The following MICALL1 variants were observed in gnomAD, a reference collection of about 807,000 sequenced individuals.
MICALL1 encodes MICAL-like protein 1.
A neutral mutation model predicts 83.7 loss-of-function variants in MICALL1; 61 were observed. The observed-to-expected ratio is 0.73, with a 90% confidence interval of 0.59 to 0.90. MICALL1 has a LOEUF of 0.90. Among genes scored for constraint, MICALL1 ranks in the 40% least tolerant of loss-of-function variants. The pLI, the probability that MICALL1 is intolerant of heterozygous loss-of-function variation, is 0.00. For synonymous variants in MICALL1, 481 were observed against 473.6 expected, an observed-to-expected ratio of 1.02 and a Z score of -0.20; for missense variants, 1,066 against 1,152.0, an observed-to-expected ratio of 0.93 and a Z score of 1.08.
chr22:37,922,360 C>A lies in MICALL1; in HGVS notation c.958C>A (p.Arg320=). The change falls in exon 6 of 16, where the codon CGG becomes AGG. Residue 320 remains arginine (R), a synonymous_variant. Transcript: ENST00000215957. The stretch of plus-strand genomic sequence containing the variant: ...CACCACCCCAGCACCCCCCACGCCC[C>A]GGCCCCGCTCCAGTCTGCAGCAGGA... ...ESTTPAPPTP[R]PRSSLQQENL... is the part of the protein sequence containing the mutation. 1 of 1,532,692 alleles carries A rather than the reference C, an allele frequency of 6.5e-7. No homozygotes were observed. 94.9% of individuals were successfully genotyped at this position (1,532,692 alleles called of 1,614,324 possible).
Position 37,922,121 on chromosome 22 carries a change from A to G in MICALL1, c.719A>G (p.Gln240Arg). The change falls in exon 6 of 16, where the codon CAG (glutamine) becomes CGG (arginine). Residue 240 changes from glutamine (Q) to arginine (R), a missense_variant. Transcript: ENST00000215957. ...GGGCCCTTCTCACAGCCAAAGCAGC[A>G]GCACCAGCAGCAACTCGCAGAAGAT... ...RPGPFSQPKQ[Q>R]HQQQLAEDAK... The G allele has an allele frequency of 6.2e-7, 1 of 1,613,272 alleles. No individual in the cohort carries two copies. Among genetic ancestry groups the G allele is most frequent in the Non-Finnish European group, 8.5e-7 (1 of 1,179,996 alleles).
intron 4 of MICALL1, 62 bp from the exon 5 acceptor site, chr22:37,918,974 T>G: frequency 6.8e-7 from 1 of 1,467,430 alleles, no homozygotes; most frequent in Non-Finnish European, 9.1e-7. Flanking sequence ...AGGGCAGTGA[T>G]GTGAACAGGA....
At chr22:37,926,076 C>T (rs369982283) in intron 8 of MICALL1, 33 bp downstream of exon 8, 86 of 1,545,316 alleles carry the variant, frequency 5.6e-5, no homozygotes, top group African/African-American at 3.6e-4. Context: ...TCCTGACAGT[C>T]GGAACTCGGG....
chr22:37,919,038 C>T lies in MICALL1; in HGVS notation c.429C>T (p.Gly143=), dbSNP rs375826048. The T allele has an allele frequency of 1.5e-5, 24 of 1,549,278 alleles. No individual in the cohort carries two copies. Among genetic ancestry groups the T allele is most frequent in the Middle Eastern group, 1.7e-4 (1 of 6,006 alleles). The change falls in exon 5 of 16, where the codon GGC becomes GGT. Residue 143 remains glycine (G), a splice_region_variant and synonymous_variant. Transcript: ENST00000215957. ...TPVEPEDVAQ[G]EELSSGSLSE... ...CTCCCCCACCTCGTTCTCTGCAGGGCGAGGAGCTCTCCTCAGGCAGCCTGT... is the reference window on the plus strand; with the variant it reads ...CTCCCCCACCTCGTTCTCTGCAGGGTGAGGAGCTCTCCTCAGGCAGCCTGT...
Position 37,906,438 on chromosome 22 carries a change from G to A in MICALL1, c.16G>A (p.Gly6Ser). 1 of 1,162,758 alleles carries A rather than the reference G, an allele frequency of 8.6e-7. No individual in the cohort carries two copies. The highest frequency in any genetic ancestry group is 3.5e-4 in the Middle Eastern group (1 of 2,828). The allele number at this position is 1,162,758 out of a possible 1,614,324, so 72.0% of individuals were successfully genotyped here. MAGPR[G>S]ALLAWCRRQC... ...CCGCGGGGTCATGGCTGGGCCGCGG[G>A]GCGCGCTGCTGGCCTGGTGCCGCCG... Residue 6 changes from glycine (G) to serine (S), a missense_variant, in exon 1 of 16, where the codon GGC becomes AGC. Physicochemically the swap from Gly to Ser is moderately conservative, Grantham distance 56. Coordinates refer to ENST00000215957, the MANE Select transcript of MICALL1 (RefSeq NM_033386.4). This position sits in a 1 kb window ranked among gnomAD's most constrained non-coding sequence, Gnocchi z 4.4.
At chr22:37,937,059 C>T (rs1367712251) in intron 13 of MICALL1, 21 bp from the exon 14 acceptor site, 1 of 1,549,322 alleles carries the variant, frequency 6.5e-7, no homozygotes, top group South Asian at 1.2e-5. Flanking sequence ...CTCATGCCCC[C>T]TAACTTTTCT....
In MICALL1 at chr22:37,926,027, C is replaced by T. The variant is rs1208818754; in HGVS notation, c.1449C>T (p.Pro483=). Residue 483 remains proline, a synonymous_variant, in exon 8 of 16, where the codon CCC becomes CCT. Coordinates refer to ENST00000215957, the MANE Select transcript of MICALL1 (RefSeq NM_033386.4). ...AGAAGCGCCCTGCCCCGCGCGCACCCAGCGCGTCCCCACTGGGTGAGTGCC... is the reference window on the plus strand; with the variant it reads ...AGAAGCGCCCTGCCCCGCGCGCACCTAGCGCGTCCCCACTGGGTGAGTGCC... ...KTKKRPAPRA[P]SASPLALHAS... 6.2e-7 allele frequency: 1 copy of T among 1,602,990 alleles called. No individual in the cohort carries two copies. Among genetic ancestry groups the T allele is most frequent in the Non-Finnish European group, 8.5e-7 (1 of 1,173,274 alleles).
chr22:37,920,339 GC>G (rs1928946459), intron 5 of MICALL1, among the ~76,000 whole-genome samples: 1 of 152,088 alleles, frequency 6.6e-6, no homozygotes, highest in Non-Finnish European at 1.5e-5. Flanking sequence ...GGTTGAGTGT[GC>G]CCCTGAGTGG....
chr22:37,926,506 C>T (rs1265754905), intron 8 of MICALL1: 1 of 163,740 alleles, frequency 6.1e-6, no homozygotes, highest in African/African-American at 2.4e-5. Context: ...ATGACTCTGA[C>T]TGTCCCTGAG....
chr22:37,940,599 G>A, intron 15 of MICALL1, 110 bp from the exon 16 acceptor site: 1 of 1,353,610 alleles, frequency 7.4e-7, no homozygotes, highest in Non-Finnish European at 1.0e-6. Context: ...AAGTGGTGGG[G>A]CTGGGCTGAG....
At position 37,906,512 on chromosome 22, in the gene MICALL1, C is replaced by T; in HGVS notation, c.90C>T (p.Ser30=). ...RGVEIRDLSS[S]FRDGLAFCAI... is the part of the protein sequence containing the mutation. Reference sequence around the variant, plus strand: ...TGGAGATCCGCGACCTGAGCAGCTCCTTCCGGGACGGCCTGGCCTTCTGCG... The same window carrying T: ...TGGAGATCCGCGACCTGAGCAGCTCTTTCCGGGACGGCCTGGCCTTCTGCG... The change falls in exon 1 of 16, where the codon TCC becomes TCT. Residue 30 remains serine, a synonymous_variant. Transcript: ENST00000215957. The surrounding 1 kb of genome is among the most constrained non-coding windows in gnomAD (Gnocchi z 4.4). 1.6e-6 allele frequency: 2 copies of T among 1,251,920 alleles called. No individual in the cohort carries two copies. Among genetic ancestry groups the T allele is most frequent in the Non-Finnish European group, 2.0e-6 (2 of 986,650 alleles). 77.6% of individuals were successfully genotyped at this position (1,251,920 alleles called of 1,614,324 possible). A position where few individuals can be genotyped will look rare whatever the true frequency, so the allele number is the denominator to read the frequency against.
At chr22:37,919,201 T>G in intron 5 of MICALL1, 23 bp downstream of exon 5, 1 of 1,500,024 alleles carries the variant, frequency 6.7e-7, no homozygotes, top group Non-Finnish European at 9.0e-7. Flanking sequence ...GGCCGCGTGT[T>G]ACCCCCGAAA....
intron 15 of MICALL1, 82 bp downstream of exon 15, chr22:37,937,874 G>C: frequency 6.4e-7 from 1 of 1,560,972 alleles, no homozygotes; most frequent in Non-Finnish European, 8.8e-7. Flanking sequence ...GTTGAAGGGA[G>C]GGTTGGAGTG....
chr22:37,910,562 G>T (rs1397623661), intron 1 of MICALL1, among the ~76,000 whole-genome samples: 1 of 152,182 alleles, frequency 6.6e-6, no homozygotes, highest in East Asian at 1.9e-4. Flanking sequence ...GGCAGCCCAG[G>T]GGAGAAGGAA....
At position 37,925,687 on chromosome 22, in the gene MICALL1, C is replaced by G; in HGVS notation, c.1109C>G (p.Pro370Arg). 6.2e-7 allele frequency: 1 copy of G among 1,609,528 alleles called. No individual in the cohort carries two copies. Among genetic ancestry groups the G allele is most frequent in the Non-Finnish European group, 8.5e-7 (1 of 1,178,808 alleles). Residue 370 changes from proline to arginine, a missense_variant, in exon 8 of 16, where the codon CCA (proline) becomes CGA (arginine). Physicochemically the swap from Pro to Arg is moderately radical, Grantham distance 103. Coordinates refer to ENST00000215957, the MANE Select transcript of MICALL1 (RefSeq NM_033386.4). ...EGTPAPRKDP[P>R]WITLVQAEPK... ...ACACCAGCCCCCAGGAAGGACCCCC[C>G]ATGGATCACGCTGGTGCAGGCAGAA...
At chr22:37,929,773 C>T (rs1019793390) in intron 9 of MICALL1, among the ~76,000 whole-genome samples, 2 of 152,246 alleles carry the variant, frequency 1.3e-5, no homozygotes, top group Non-Finnish European at 2.9e-5. Flanking sequence ...GATGGCCCAA[C>T]GCTCTGCAGG....
At position 37,930,113 on chromosome 22, in the gene MICALL1, G is replaced by A. The variant is rs1388226921; in HGVS notation, c.1882-1686G>A. Among the ~76,000 whole-genome samples the A allele has an allele frequency of 2.6e-5, 4 of 152,228 alleles. No individual in the cohort carries two copies. Among genetic ancestry groups the A allele is most frequent in the Admixed American group, 6.5e-5 (1 of 15,278 alleles). On this transcript the variant is annotated intron_variant, in intron 9 of 15. Coordinates refer to ENST00000215957, the MANE Select transcript of MICALL1 (RefSeq NM_033386.4). The surrounding 1 kb of genome is among the most constrained non-coding windows in gnomAD (Gnocchi z 4.8). ...GGTCACCTTCGGATTCTCGTGTTTC[G>A]TGTCCTGGGCTGCGTGAATATTGGT...
rs955461050 is a variant in MICALL1, at chr22:37,906,603, G to C, written c.146+35G>C. On this transcript the variant is annotated intron_variant, in intron 1 of 15. Coordinates refer to ENST00000215957, the MANE Select transcript of MICALL1 (RefSeq NM_033386.4). This position sits in a 1 kb window ranked among gnomAD's most constrained non-coding sequence, Gnocchi z 4.4. ...GGGCCCCGGGCGAGCGGGCGGCGCG[G>C]GGCGGGCTGGGGCCGCGACCGCCGC... 8.7e-7 allele frequency: 1 copy of C among 1,152,816 alleles called. No homozygotes were observed. Among genetic ancestry groups the C allele is most frequent in the Non-Finnish European group, 1.1e-6 (1 of 933,344 alleles). 71.4% of individuals were successfully genotyped at this position (1,152,816 alleles called of 1,614,324 possible).
At position 37,941,251 on chromosome 22, in the gene MICALL1, TG is replaced by T; in HGVS notation, c.*423del. 5.7e-6 allele frequency: 1 copy of T among 176,734 alleles called. No homozygotes were observed. The highest frequency in any genetic ancestry group is 1.2e-5 in the Non-Finnish European group (1 of 81,734). 10.9% of individuals were successfully genotyped at this position (176,734 alleles called of 1,614,324 possible). A position where few individuals can be genotyped will look rare whatever the true frequency, so the allele number is the denominator to read the frequency against. On this transcript the variant is annotated 3_prime_UTR_variant, in exon 16 of 16. Transcript: ENST00000215957. ...GCCAGCAAGTGGCGCTGGGCCACAC[TG>T]GCTTCTTCCTGCCCCATCCCTGGCT...
Sources: allele counts gnomAD v4.1 joint callset (sites outside exome capture counted in the v4.1 genomes callset), GRCh38; gene constraint gnomAD v4.1.1; non-coding constraint Gnocchi (gnomAD v3.1); transcripts MANE v1.5; gene names NCBI Gene and HGNC (gene_info 2026-07-23, HGNC 2026-07-21).